CTNNA2: variants seen among roughly 807,000 people sequenced by gnomAD.
CTNNA2 encodes the protein catenin alpha-2.
CTNNA2 carries 42 observed loss-of-function variants against 101.0 expected under a neutral mutation model. That is an observed-to-expected ratio of 0.42 (90% CI 0.32 to 0.54). The LOEUF is 0.54. Ranked by LOEUF, CTNNA2 falls within the 20% of genes least tolerant of loss-of-function variation. The pLI is 0.14. For missense variants in CTNNA2, 871 were observed against 1,223.1 expected, an observed-to-expected ratio of 0.71 and a Z score of 4.29; for synonymous variants, 450 against 456.4, an observed-to-expected ratio of 0.99 and a Z score of 0.18.
At chr2:80,643,201 G>A (rs992369319) in intron 18 of CTNNA2, among the ~76,000 whole-genome samples, 5 of 152,154 alleles carry the variant, frequency 3.3e-5, no homozygotes, top group African/African-American at 1.2e-4. Flanking sequence ...GGTAGATTTT[G>A]AGGGCTGAGG....
At chr2:79,596,200 C>T (rs1354913270) in intron 1 of CTNNA2, among the ~76,000 whole-genome samples, 1 of 152,006 alleles carries the variant, frequency 6.6e-6, no homozygotes, top group Admixed American at 6.6e-5. Context: ...ATATTCCCAA[C>T]ACTCAGGACG....
intron 3 of CTNNA2, among the ~76,000 whole-genome samples, chr2:79,328,174 C>A (rs139101615): frequency 5.9e-5 from 9 of 152,104 alleles, no homozygotes; most frequent in African/African-American, 2.2e-4. Flanking sequence ...GAAGAGAGCA[C>A]AATATACAAA....
intron 6 of CTNNA2, among the ~76,000 whole-genome samples, chr2:79,882,418 GA>G (rs1385398023): frequency 6.6e-6 from 1 of 152,202 alleles, no homozygotes; most frequent in Non-Finnish European, 1.5e-5. Flanking sequence ...GGAGTTATTA[GA>G]GTTGCTGCAG....
At chr2:79,371,244 A>G (rs1677864520) in intron 3 of CTNNA2, among the ~76,000 whole-genome samples, 1 of 151,934 alleles carries the variant, frequency 6.6e-6, no homozygotes, top group African/African-American at 2.4e-5. Flanking sequence ...AAAAGATGCG[A>G]TGGAAGGAGC....
intron 12 of CTNNA2, among the ~76,000 whole-genome samples, chr2:80,565,652 C>T (rs1401636329): frequency 6.6e-6 from 1 of 151,876 alleles, no homozygotes; most frequent in Non-Finnish European, 1.5e-5. Context: ...AAGACAGCCC[C>T]AAGAAGCATT....
intron 1 of CTNNA2, among the ~76,000 whole-genome samples, chr2:79,631,861 T>C (rs538981174): frequency 5.9e-5 from 9 of 152,334 alleles, no homozygotes; most frequent in African/African-American, 2.2e-4. Flanking sequence ...ATTAGTATTG[T>C]AAGCTCTGGA....
chr2:79,354,692 G>A (rs1197080720), intron 3 of CTNNA2, among the ~76,000 whole-genome samples: 1 of 152,066 alleles, frequency 6.6e-6, no homozygotes. Flanking sequence ...CTATCCTTGG[G>A]CATCATGAGA....
At chr2:79,920,734 G>C (rs1686595509) in intron 7 of CTNNA2, among the ~76,000 whole-genome samples, 1 of 152,174 alleles carries the variant, frequency 6.6e-6, no homozygotes, top group Non-Finnish European at 1.5e-5. Context: ...TATAGTTAAA[G>C]CTTTATTTAA....
At chr2:79,901,448 C>T (rs1685064545) in intron 6 of CTNNA2, among the ~76,000 whole-genome samples, 1 of 151,998 alleles carries the variant, frequency 6.6e-6, no homozygotes, top group Non-Finnish European at 1.5e-5. Flanking sequence ...TCACAATCAA[C>T]AAAGAAAATC....
chr2:79,957,851 T>G (rs1055020365), intron 7 of CTNNA2, among the ~76,000 whole-genome samples: 1 of 152,248 alleles, frequency 6.6e-6, no homozygotes, highest in Admixed American at 6.5e-5. Context: ...TTCTTTTTCA[T>G]TGAGCTCTCA....
intron 7 of CTNNA2, among the ~76,000 whole-genome samples, chr2:80,374,169 C>G (rs576949797): frequency 4.6e-4 from 70 of 152,206 alleles, no homozygotes; most frequent in Middle Eastern, 6.8e-3. Flanking sequence ...TCCCATCATC[C>G]AGGTAGTAAA....
intron 7 of CTNNA2, among the ~76,000 whole-genome samples, chr2:79,979,449 G>C (rs373311138): frequency 1.3e-5 from 2 of 152,132 alleles, no homozygotes; most frequent in African/African-American, 2.4e-5. Context: ...ACATCATTTC[G>C]GTGTCCCAGC....
At chr2:79,588,785 T>C (rs1037628120) in intron 1 of CTNNA2, among the ~76,000 whole-genome samples, 1 of 152,110 alleles carries the variant, frequency 6.6e-6, no homozygotes, top group Non-Finnish European at 1.5e-5. Flanking sequence ...GGTGTAGGCA[T>C]AGGGTTAAGA....
chr2:80,262,095 A>G (rs1440836188), intron 7 of CTNNA2, among the ~76,000 whole-genome samples: 3 of 152,186 alleles, frequency 2.0e-5, no homozygotes, highest in Admixed American at 6.5e-5. Context: ...GAATAAATAT[A>G]TAAAGGACAT....
At chr2:80,134,213 A>G (rs983597446) in intron 7 of CTNNA2, among the ~76,000 whole-genome samples, 1 of 152,282 alleles carries the variant, frequency 6.6e-6, no homozygotes, top group Non-Finnish European at 1.5e-5. Context: ...GTAGGCTGAA[A>G]AGGTTGCAAG....
intron 18 of CTNNA2, among the ~76,000 whole-genome samples, chr2:80,640,767 A>G (rs1157674760): frequency 6.6e-6 from 1 of 152,154 alleles, no homozygotes; most frequent in African/African-American, 2.4e-5. Context: ...ACTTGTAGCA[A>G]AATTTTTTTT....
chr2:80,047,321 C>T (rs1696596252), intron 7 of CTNNA2, among the ~76,000 whole-genome samples: 1 of 152,284 alleles, frequency 6.6e-6, no homozygotes, highest in Middle Eastern at 3.4e-3. Flanking sequence ...GTCCGTAGTC[C>T]AGAACCTAGA....
At chr2:79,588,987 C>A (rs778372627) in intron 1 of CTNNA2, among the ~76,000 whole-genome samples, 1 of 152,186 alleles carries the variant, frequency 6.6e-6, no homozygotes, top group African/African-American at 2.4e-5. Flanking sequence ...ACTAACCAGG[C>A]AAAGTGCCTA....
At chr2:79,816,535 A>G (rs1276366398) in intron 3 of CTNNA2, among the ~76,000 whole-genome samples, 1 of 152,180 alleles carries the variant, frequency 6.6e-6, no homozygotes, top group Admixed American at 6.5e-5. Context: ...ATGAGAAGAT[A>G]CAAGAAGAGC....
Sources: allele counts gnomAD v4.1 joint callset (sites outside exome capture counted in the v4.1 genomes callset), GRCh38; gene constraint gnomAD v4.1.1; transcripts MANE v1.5; gene names NCBI Gene and HGNC (gene_info 2026-07-23, HGNC 2026-07-21).